Variants in LOX observed in about 807,000 individuals in gnomAD.
LOX encodes the protein lysyl oxidase.
LOX carries 12 observed loss-of-function variants against 50.5 expected under a neutral mutation model. That is an observed-to-expected ratio of 0.24 (90% CI 0.15 to 0.38). The LOEUF (loss-of-function observed/expected upper bound fraction) is 0.38. Among genes scored for constraint, LOX ranks in the 10% least tolerant of loss-of-function variants. The pLI, the probability that LOX is intolerant of heterozygous loss-of-function variation, is 1.00. For missense variants in LOX, 504 were observed against 563.8 expected (o/e 0.89, Z 1.07); for synonymous variants, 254 against 230.6 (o/e 1.10, Z -0.92).
rs1410566298 is a variant in LOX, at chr5:122,066,366, T to C, written c.*377A>G. The C allele has an allele frequency of 5.3e-6, 1 of 189,548 alleles. No homozygotes were observed. Among genetic ancestry groups the C allele is most frequent in the African/African-American group, 2.3e-5 (1 of 42,678 alleles). 11.7% of individuals were successfully genotyped at this position (189,548 alleles called of 1,614,324 possible). ...TATGTTTCACTAAAGTTCCAGCACT[T>C]TAGAAAAGTTTCAGTTCAAAGTCAT... is the stretch of plus-strand genomic sequence containing the variant. On this transcript the variant is annotated 3_prime_UTR_variant, in exon 7 of 7. Transcript: ENST00000231004.
At chr5:122,069,615 G>C (rs901326459) in intron 6 of LOX, among the ~76,000 whole-genome samples, 7 of 152,102 alleles carry the variant, frequency 4.6e-5, no homozygotes, top group African/African-American at 1.4e-4. Flanking sequence ...ACAGACCAGA[G>C]GGGGCTGAAC....
chr5:122,066,844 T>C, intron 6 of LOX, 95 bp from the exon 7 acceptor site: 1 of 770,132 alleles, frequency 1.3e-6, no homozygotes, highest in Non-Finnish European at 2.3e-6. Flanking sequence ...TTAAAAACTT[T>C]ATGCAACAGT....
chr5:122,074,972 G>A (rs1754575249), intron 3 of LOX, among the ~76,000 whole-genome samples: 1 of 152,332 alleles, frequency 6.6e-6, no homozygotes, highest in South Asian at 2.1e-4. Flanking sequence ...TTTAAAAGAT[G>A]GAAGAAGGTC....
chr5:122,072,618 G>A (rs1444083572), intron 4 of LOX, among the ~76,000 whole-genome samples: 1 of 152,112 alleles, frequency 6.6e-6, no homozygotes, highest in Non-Finnish European at 1.5e-5. Flanking sequence ...GTGATTGAGA[G>A]ACTATTTTTT....
chr5:122,074,556 T>A (rs1053541335), intron 3 of LOX, among the ~76,000 whole-genome samples: 2 of 152,218 alleles, frequency 1.3e-5, no homozygotes, highest in Non-Finnish European at 2.9e-5. Context: ...CACATGACTT[T>A]TTCAAGGTTT....
rs201335727 is a variant in LOX, at chr5:122,078,013, C to T, written c.-28G>A. On this transcript the variant is annotated 5_prime_UTR_variant, in exon 1 of 7. Coordinates refer to ENST00000231004, the MANE Select transcript of LOX (RefSeq NM_002317.7). ...CTCCTTTTGCCAGATTGACCCCGCT[C>T]GAGGAGGACGTGGCTCACAGAAAAT... 1,006 of 1,436,080 alleles carry T rather than the reference C, an allele frequency of 7.0e-4. 17 individuals are homozygous for T. In the South Asian group the frequency reaches 0.015, roughly 21 times the overall value. The allele number at this position is 1,436,080 out of a possible 1,614,324, so 89.0% of individuals were successfully genotyped here. A position where few individuals can be genotyped will look rare whatever the true frequency, so the allele number is the denominator to read the frequency against.
At position 122,077,166 on chromosome 5, in the gene LOX, T is replaced by C. The variant is rs1007289728; in HGVS notation, c.632-165A>G. ...GGGGACGCCCGGGACTGCAAAGCAA[T>C]GTGAAAAGGAAGCAGGAGGGGCCAG... On this transcript the variant is annotated intron_variant, in intron 1 of 6. Coordinates refer to ENST00000231004, the MANE Select transcript of LOX (RefSeq NM_002317.7). This position sits in a 1 kb window ranked among gnomAD's most constrained non-coding sequence, Gnocchi z 4.9. The C allele has an allele frequency of 1.4e-6, 2 of 1,463,046 alleles. No homozygotes were observed. The highest frequency in any genetic ancestry group is 1.8e-6 in the Non-Finnish European group (2 of 1,113,286). The allele number at this position is 1,463,046 out of a possible 1,614,324, so 90.6% of individuals were successfully genotyped here. A position where few individuals can be genotyped will look rare whatever the true frequency, so the allele number is the denominator to read the frequency against.
intron 2 of LOX, 34 bp from the exon 3 acceptor site, chr5:122,075,575 C>T: frequency 4.2e-6 from 6 of 1,432,470 alleles, no homozygotes; most frequent in Non-Finnish European, 5.7e-6. Flanking sequence ...TTATTATATT[C>T]ATGGAATATT....
intron 2 of LOX, 116 bp from the exon 3 acceptor site, chr5:122,075,657 T>A (rs1754596990): frequency 4.5e-6 from 3 of 664,506 alleles, no homozygotes; most frequent in Non-Finnish European, 7.1e-6. Context: ...AACTAGACTA[T>A]CAGTTCCAAG....
intron 3 of LOX, among the ~76,000 whole-genome samples, chr5:122,074,578 TA>T (rs1269099822): frequency 6.6e-6 from 1 of 152,200 alleles, no homozygotes; most frequent in African/African-American, 2.4e-5. Context: ...TATGAGATTT[TA>T]AAAAATTGAG....
rs1329265278 is a variant in LOX at position 122,066,323 on chromosome 5, A to C, written c.*420T>G. 1 of 169,282 alleles carries C rather than the reference A, an allele frequency of 5.9e-6. No individual in the cohort carries two copies. The highest frequency in any genetic ancestry group is 1.3e-5 in the Non-Finnish European group (1 of 78,412). The allele number at this position is 169,282 out of a possible 1,614,324, so 10.5% of individuals were successfully genotyped here. A position where few individuals can be genotyped will look rare whatever the true frequency, so the allele number is the denominator to read the frequency against. The stretch of plus-strand genomic sequence containing the variant: ...TCTAAATTCATCTATGCTATGACAT[A>C]TATAAACCCATTATTATTATGTTTC... On this transcript the variant is annotated 3_prime_UTR_variant, in exon 7 of 7. Coordinates refer to ENST00000231004, the MANE Select transcript of LOX (RefSeq NM_002317.7).
chr5:122,071,240 A>C (rs1420190696), intron 4 of LOX, among the ~76,000 whole-genome samples: 2 of 151,842 alleles, frequency 1.3e-5, no homozygotes, highest in Non-Finnish European at 2.9e-5. Context: ...CAATTTTCAC[A>C]ACTACATGAG....
rs1303506475 is a variant in LOX at position 122,077,836 on chromosome 5, G to C, written c.150C>G (p.Asn50Lys). 6.4e-7 allele frequency: 1 copy of C among 1,552,954 alleles called. No individual in the cohort carries two copies. Among genetic ancestry groups the C allele is most frequent in the Non-Finnish European group, 8.7e-7 (1 of 1,154,218 alleles). ...GAWRQQIQWE[N>K]NGQVFSLLSL... ...TCAGCAAGCTGAACACCTGCCCGTTGTTCTCCCATTGGATCTGCTGGCGCC... is the reference window on the plus strand; with the variant it reads ...TCAGCAAGCTGAACACCTGCCCGTTCTTCTCCCATTGGATCTGCTGGCGCC... The change falls in exon 1 of 7, where the codon AAC becomes AAG. Residue 50 changes from asparagine (N) to lysine (K), a missense_variant. Transcript: ENST00000231004. The surrounding 1 kb of genome is among the most constrained non-coding windows in gnomAD (Gnocchi z 4.9).
rs1393628810 is a variant in LOX at position 122,064,443 on chromosome 5, T to C, written c.*2300A>G. The C allele has an allele frequency of 1.3e-5, 2 of 151,116 alleles. No individual in the cohort carries two copies. The highest frequency in any genetic ancestry group is 3.9e-4 in the East Asian group (2 of 5,128). 9.4% of individuals were successfully genotyped at this position (151,116 alleles called of 1,614,324 possible). A position where few individuals can be genotyped will look rare whatever the true frequency, so the allele number is the denominator to read the frequency against. On this transcript the variant is annotated 3_prime_UTR_variant, in exon 7 of 7. Coordinates refer to ENST00000231004, the MANE Select transcript of LOX (RefSeq NM_002317.7). ...TAAAGTAGTATTTTTAGCTTCCTAA[T>C]TGAAAAAAAAAAATCGTCAAAATTA...
rs146113284 is a variant in LOX at position 122,064,213 on chromosome 5, G to C, written c.*2530C>G. ...TTTTTTAAAATGTATTTAGAGTTTG[G>C]TAAGACTGGTCTGTGTTATTTTATT... is the stretch of plus-strand genomic sequence containing the variant. On this transcript the variant is annotated 3_prime_UTR_variant, in exon 7 of 7. Coordinates refer to ENST00000231004, the MANE Select transcript of LOX (RefSeq NM_002317.7). 249 of 151,934 alleles carry C rather than the reference G, an allele frequency of 1.6e-3. 2 individuals carry two copies. The highest frequency in any genetic ancestry group is 5.7e-3 in the African/African-American group (237 of 41,480). 9.4% of individuals were successfully genotyped at this position (151,934 alleles called of 1,614,324 possible). A position where few individuals can be genotyped will look rare whatever the true frequency, so the allele number is the denominator to read the frequency against.
At position 122,077,823 on chromosome 5, in the gene LOX, A is replaced by T; in HGVS notation, c.163T>A (p.Phe55Ile). ...TGTGAGCCCAGGCTCAGCAAGCTGA[A>T]CACCTGCCCGTTGTTCTCCCATTGG... ...QIQWENNGQV[F>I]SLLSLGSQYQ... The change falls in exon 1 of 7, where the codon TTC (phenylalanine) becomes ATC (isoleucine). Residue 55 changes from phenylalanine to isoleucine, a missense_variant. Coordinates refer to ENST00000231004, the MANE Select transcript of LOX (RefSeq NM_002317.7). This position sits in a 1 kb window ranked among gnomAD's most constrained non-coding sequence, Gnocchi z 4.9. The T allele has an allele frequency of 6.4e-7, 1 of 1,551,810 alleles. No individual in the cohort carries two copies. Among genetic ancestry groups the T allele is most frequent in the East Asian group, 2.4e-5 (1 of 41,332 alleles).
chr5:122,063,396 C>T lies in LOX; in HGVS notation c.*3347G>A, dbSNP rs1303860662. 4 of 151,826 alleles carry T rather than the reference C, an allele frequency of 2.6e-5. No homozygotes were observed. The highest frequency in any genetic ancestry group is 5.9e-5 in the Non-Finnish European group (4 of 67,856). 9.4% of individuals were successfully genotyped at this position (151,826 alleles called of 1,614,324 possible). Reference sequence around the variant, plus strand: ...GGAGAAGCTAAAACTTCACTAAAAACCTAACACCAAATGACATGTTACTTA... The same window carrying T: ...GGAGAAGCTAAAACTTCACTAAAAATCTAACACCAAATGACATGTTACTTA... On this transcript the variant is annotated 3_prime_UTR_variant, in exon 7 of 7. Transcript: ENST00000231004.
intron 4 of LOX, 21 bp downstream of exon 4, chr5:122,073,992 G>C (rs759957907): frequency 6.2e-7 from 1 of 1,601,054 alleles, no homozygotes; most frequent in Non-Finnish European, 8.5e-7. Context: ...TGAGGTTCTG[G>C]ATTTCAGGGT....
chr5:122,064,835 T>C lies in LOX; in HGVS notation c.*1908A>G, dbSNP rs1754256029. On this transcript the variant is annotated 3_prime_UTR_variant, in exon 7 of 7. Coordinates refer to ENST00000231004, the MANE Select transcript of LOX (RefSeq NM_002317.7). ...GAATGATTGTAAATGTGTCTTCTCC[T>C]ATGTATCCATGATGATATTGCCTAG... 6.6e-6 allele frequency: 1 copy of C among 152,074 alleles called. No homozygotes were observed. The highest frequency in any genetic ancestry group is 1.5e-5 in the Non-Finnish European group (1 of 67,980). 9.4% of individuals were successfully genotyped at this position (152,074 alleles called of 1,614,324 possible).
Sources: allele counts gnomAD v4.1 joint callset (sites outside exome capture counted in the v4.1 genomes callset), GRCh38; gene constraint gnomAD v4.1.1; non-coding constraint Gnocchi (gnomAD v3.1); transcripts MANE v1.5; gene names NCBI Gene and HGNC (gene_info 2026-07-23, HGNC 2026-07-21).